ITPR1: variants seen among roughly 807,000 people sequenced by gnomAD.
ITPR1 encodes inositol 1,4,5-trisphosphate-gated calcium channel ITPR1.
Under a neutral mutation model 318.4 loss-of-function variants are expected in ITPR1, and 96 were observed. That is an observed-to-expected ratio of 0.30 (90% CI 0.26 to 0.36). The LOEUF is 0.36. ITPR1 is among the 10% of genes least tolerant of loss of function. The pLI is 1.00. For missense variants in ITPR1, 2,440 were observed against 3,460.2 expected, an observed-to-expected ratio of 0.71 and a Z score of 7.40; for synonymous variants, 1,312 against 1,289.9, an observed-to-expected ratio of 1.02 and a Z score of -0.37.
chr3:4,712,432 G>A (rs1184678095), intron 39 of ITPR1, among the ~76,000 whole-genome samples: 1 of 152,228 alleles, frequency 6.6e-6, no homozygotes, highest in East Asian at 1.9e-4. Context: ...TTACACCTCT[G>A]ATGTTGGGTA....
chr3:4,735,129 T>C (rs185333165), intron 43 of ITPR1, 35 bp from the exon 44 acceptor site: 4 of 1,553,242 alleles, frequency 2.6e-6, no homozygotes, highest in East Asian at 4.5e-5. Context: ...GCTGTTCTGA[T>C]TGTGCTTAGT....
chr3:4,733,138 A>T lies in ITPR1; in HGVS notation c.5271A>T (p.Arg1757Ser), dbSNP rs1172630958. The change falls in exon 43 of 62, where the codon AGA becomes AGT. Residue 1757 changes from arginine (R) to serine (S), a missense_variant. Physicochemically the swap from Arg to Ser is moderately radical, Grantham distance 110. Coordinates refer to ENST00000649015, the MANE Select transcript of ITPR1 (RefSeq NM_001378452.1). ...VLVNRYYGNV[R>S]PSGRRESLTS... is the part of the protein sequence containing the mutation. Reference sequence around the variant, plus strand: ...TCAACCGTTACTATGGAAACGTCAGACCTTCGGGACGAAGAGAGAGCCTTA... The same window carrying T: ...TCAACCGTTACTATGGAAACGTCAGTCCTTCGGGACGAAGAGAGAGCCTTA... The T allele has an allele frequency of 6.2e-7, 1 of 1,613,774 alleles. No homozygotes were observed. Among genetic ancestry groups the T allele is most frequent in the African/African-American group, 1.3e-5 (1 of 74,896 alleles).
At chr3:4,829,348 G>C (rs2050286732) in intron 60 of ITPR1, among the ~76,000 whole-genome samples, 1 of 152,188 alleles carries the variant, frequency 6.6e-6, no homozygotes, top group South Asian at 2.1e-4. Flanking sequence ...TAATATGCAT[G>C]TGGTCTGAAG....
In ITPR1 at chr3:4,741,969, G is replaced by A. The variant is rs540175441; in HGVS notation, c.5544+6615G>A. On this transcript the variant is annotated intron_variant, in intron 44 of 61. Coordinates refer to ENST00000649015, the MANE Select transcript of ITPR1 (RefSeq NM_001378452.1). ...TCCTCCTGCACGTGGGGGTTCGAGA[G>A]CTGTTGGCATTAAAGAAAGAGGGAG... Among the ~76,000 whole-genome samples the A allele has an allele frequency of 4.6e-5, 7 of 152,292 alleles. No homozygotes were observed. In the East Asian group the frequency reaches 1.4e-3, roughly 29 times the overall value.
chr3:4,493,886 C>CTTTTTT (rs71301158), intron 1 of ITPR1, among the ~76,000 whole-genome samples: 1 of 125,618 alleles, frequency 8.0e-6, no homozygotes, highest in Admixed American at 8.2e-5. Context: ...GGAAATAGTT[C>CTTTTTT]TTTTTTTTTT....
chr3:4,562,444 G>T (rs2086776892), intron 4 of ITPR1, among the ~76,000 whole-genome samples: 1 of 152,002 alleles, frequency 6.6e-6, no homozygotes, highest in Non-Finnish European at 1.5e-5. Context: ...TTTACTGATA[G>T]TATGTGCAAA....
chr3:4,587,527 TC>T (rs922803210), intron 4 of ITPR1, among the ~76,000 whole-genome samples: 13 of 152,312 alleles, frequency 8.5e-5, no homozygotes, highest in African/African-American at 3.1e-4. Flanking sequence ...TGCCTTGGCC[TC>T]CCAAAGTACT....
chr3:4,660,941 A>C, intron 13 of ITPR1, 47 bp from the exon 14 acceptor site: 1 of 983,660 alleles, frequency 1.0e-6, no homozygotes, highest in Non-Finnish European at 1.6e-6. Context: ...GCTATAGAGT[A>C]AACCTCAATA....
chr3:4,524,747 G>A (rs568177370), intron 4 of ITPR1, among the ~76,000 whole-genome samples: 1 of 152,318 alleles, frequency 6.6e-6, no homozygotes, highest in South Asian at 2.1e-4. Flanking sequence ...GAGCTCCTGA[G>A]ATCTGCAGCC....
At chr3:4,684,216 C>G in intron 28 of ITPR1, 65 bp from the exon 29 acceptor site, 1 of 1,040,320 alleles carries the variant, frequency 9.6e-7, no homozygotes, top group Non-Finnish European at 1.5e-6. Context: ...TCGATGCTAA[C>G]TGTAAAAAAC....
At chr3:4,550,315 A>C (rs2124996997) in intron 4 of ITPR1, among the ~76,000 whole-genome samples, 1 of 152,324 alleles carries the variant, frequency 6.6e-6, no homozygotes, top group Middle Eastern at 3.4e-3. Context: ...CACAGGTGAC[A>C]GCAAATGGGC....
intron 4 of ITPR1, among the ~76,000 whole-genome samples, chr3:4,604,409 A>G (rs771851834): frequency 3.3e-5 from 5 of 152,102 alleles, no homozygotes; most frequent in African/African-American, 4.8e-5. Flanking sequence ...GGGTCAAGGT[A>G]TTTATAAAGG....
At chr3:4,725,468 G>GTGTT (rs2042443152) in intron 40 of ITPR1, 78 bp from the exon 41 acceptor site, 1 of 1,183,974 alleles carries the variant, frequency 8.4e-7, no homozygotes, top group African/African-American at 1.5e-5. Context: ...TTGTCCTTGA[G>GTGTT]TGTTGGTCTC....
At chr3:4,777,513 G>C in intron 48 of ITPR1, 139 bp downstream of exon 48, 1 of 622,522 alleles carries the variant, frequency 1.6e-6, no homozygotes, top group Non-Finnish European at 2.9e-6. Context: ...CAGGTTGCTA[G>C]TGCTGACTAC....
chr3:4,687,693 A>T (rs1170117134), intron 30 of ITPR1, among the ~76,000 whole-genome samples: 1 of 152,176 alleles, frequency 6.6e-6, no homozygotes, highest in Non-Finnish European at 1.5e-5. Context: ...GTTTTATAGA[A>T]TTGGCTTATT....
At chr3:4,819,757 G>T (rs963941636) in intron 60 of ITPR1, among the ~76,000 whole-genome samples, 8 of 152,170 alleles carry the variant, frequency 5.3e-5, no homozygotes, top group Non-Finnish European at 1.0e-4. Context: ...TTTGAAAAAG[G>T]TTTTGAAAGA....
chr3:4,727,051 T>G (rs1448566446), intron 41 of ITPR1, 75 bp from the exon 42 acceptor site: 1 of 1,176,488 alleles, frequency 8.5e-7, no homozygotes, highest in Non-Finnish European at 1.3e-6. Flanking sequence ...CAATGTATTT[T>G]ATATGTGACT....
intron 2 of ITPR1, among the ~76,000 whole-genome samples, chr3:4,496,986 T>A (rs752172337): frequency 1.6e-4 from 25 of 152,222 alleles, no homozygotes; most frequent in Non-Finnish European, 2.5e-4. Flanking sequence ...TCTATCTTGT[T>A]TACTATTGGT....
chr3:4,598,513 C>T (rs115262758), intron 4 of ITPR1, among the ~76,000 whole-genome samples: 5,623 of 152,010 alleles, frequency 0.037, 140 homozygotes, highest in Admixed American at 0.067. Context: ...CCCAGCTACT[C>T]GGTGGGGCCG....
Sources: allele counts gnomAD v4.1 joint callset (sites outside exome capture counted in the v4.1 genomes callset), GRCh38; gene constraint gnomAD v4.1.1; transcripts MANE v1.5; gene names NCBI Gene and HGNC (gene_info 2026-07-23, HGNC 2026-07-21).